CCDC149: variants seen among roughly 807,000 people sequenced by gnomAD.
CCDC149 encodes the protein coiled-coil domain containing 149, also known as coiled-coil domain-containing protein 149.
In CCDC149, 45 loss-of-function variants were observed where a neutral mutation model predicts 59.9. The observed-to-expected ratio is 0.75, with a 90% CI of 0.59 to 0.96. The LOEUF is 0.96. CCDC149 is among the 40% of genes least tolerant of loss of function. The pLI is 0.00. For missense variants in CCDC149, 584 were observed against 664.7 expected (o/e 0.88, Z 1.33); for synonymous variants, 245 against 260.6 (o/e 0.94, Z 0.58).
At chr4:24,822,682 T>A in intron 9 of CCDC149, 109 bp from the exon 10 acceptor site, 1 of 657,682 alleles carries the variant, frequency 1.5e-6, no homozygotes, top group Non-Finnish European at 2.5e-6. Flanking sequence ...TTATGATATA[T>A]GCAAAAAATG....
intron 1 of CCDC149, among the ~76,000 whole-genome samples, chr4:24,928,896 AC>A (rs1722506126): frequency 6.6e-6 from 1 of 152,120 alleles, no homozygotes; most frequent in Non-Finnish European, 1.5e-5. Flanking sequence ...GGGGCAGCAC[AC>A]TTCCCCTTTT....
At chr4:24,958,432 T>C (rs1723535875) in intron 1 of CCDC149, among the ~76,000 whole-genome samples, 1 of 152,154 alleles carries the variant, frequency 6.6e-6, no homozygotes, top group Non-Finnish European at 1.5e-5. Context: ...GATCCTACAT[T>C]ACATTTCTTC....
At chr4:24,876,292 TACACACACACAC>T (rs61406129) in intron 2 of CCDC149, among the ~76,000 whole-genome samples, 1,521 of 124,792 alleles carry the variant, frequency 0.012, 15 homozygotes, top group South Asian at 0.042. Context: ...CATACACACG[TACACACACACAC>T]ACACACACAC....
In CCDC149 at chr4:24,926,698, G is replaced by A. The variant is rs547424822; in HGVS notation, c.-64-31580C>T. Among the ~76,000 whole-genome samples, 4 of 152,334 alleles carry A rather than the reference G, an allele frequency of 2.6e-5. No homozygotes were observed. In the South Asian group the frequency reaches 8.3e-4, roughly 32 times the overall value. On this transcript the variant is annotated intron_variant, in intron 1 of 12. Coordinates refer to the CCDC149 transcript ENST00000389609. ...ACAGATTATGTCGGTCAGGAATTCA[G>A]AAATGGCGTAACAGGGAAAGCTTGT...
intron 1 of CCDC149, among the ~76,000 whole-genome samples, chr4:24,960,824 T>C (rs1178580250): frequency 6.6e-6 from 1 of 152,210 alleles, no homozygotes; most frequent in Non-Finnish European, 1.5e-5. Flanking sequence ...ATCAACACTC[T>C]TCACTCAGTA....
intron 1 of CCDC149, among the ~76,000 whole-genome samples, chr4:24,920,786 T>C (rs1229833010): frequency 1.3e-5 from 2 of 152,252 alleles, no homozygotes; most frequent in Non-Finnish European, 2.9e-5. Flanking sequence ...AGCCTGACAT[T>C]GTTTATCTTA....
chr4:24,846,448 A>G (rs1007011583), intron 4 of CCDC149, among the ~76,000 whole-genome samples: 1 of 152,246 alleles, frequency 6.6e-6, no homozygotes, highest in African/African-American at 2.4e-5. Context: ...AACAGCTTCC[A>G]AAGAGCTCTC....
intron 12 of CCDC149, among the ~76,000 whole-genome samples, chr4:24,816,552 C>T (rs1047901774): frequency 6.6e-6 from 1 of 152,108 alleles, no homozygotes; most frequent in Non-Finnish European, 1.5e-5. Context: ...ATCTTAACTC[C>T]TAAGCTGTGG....
intron 9 of CCDC149, 143 bp from the exon 10 acceptor site, chr4:24,822,716 T>C (rs1715490478): frequency 1.9e-6 from 1 of 522,418 alleles, no homozygotes; most frequent in African/African-American, 2.0e-5. Context: ...TATGTGTGTG[T>C]AAATAATATG....
intron 1 of CCDC149, among the ~76,000 whole-genome samples, chr4:24,887,515 C>T (rs1720256717): frequency 6.6e-6 from 1 of 152,090 alleles, no homozygotes; most frequent in African/African-American, 2.4e-5. Flanking sequence ...GTACCTCCTC[C>T]CCTGATCACC....
intron 4 of CCDC149, among the ~76,000 whole-genome samples, chr4:24,844,202 C>T (rs1717116106): frequency 6.6e-6 from 1 of 152,150 alleles, no homozygotes; most frequent in African/African-American, 2.4e-5. Flanking sequence ...ACTTCAGCTC[C>T]ATCATGGCAT....
intron 3 of CCDC149, among the ~76,000 whole-genome samples, chr4:24,859,638 G>C (rs906362551): frequency 3.3e-5 from 5 of 152,160 alleles, no homozygotes; most frequent in South Asian, 2.1e-4. Flanking sequence ...ATCCAAATCA[G>C]TAAGGAGGAA....
intron 1 of CCDC149, among the ~76,000 whole-genome samples, chr4:24,921,561 TG>T (rs1371646715): frequency 6.6e-6 from 1 of 152,170 alleles, no homozygotes; most frequent in African/African-American, 2.4e-5. Flanking sequence ...CAGGTGGTGC[TG>T]GTACCTCAGC....
chr4:24,930,775 A>T (rs1722564001), intron 1 of CCDC149, among the ~76,000 whole-genome samples: 1 of 152,196 alleles, frequency 6.6e-6, no homozygotes, highest in Admixed American at 6.5e-5. Flanking sequence ...CTAGACAGGG[A>T]GAGTTTATAG....
intron 12 of CCDC149, among the ~76,000 whole-genome samples, chr4:24,818,171 G>T (rs992672099): frequency 5.3e-5 from 8 of 152,284 alleles, no homozygotes; most frequent in Non-Finnish European, 8.8e-5. Flanking sequence ...TGAGTGAAAG[G>T]CCACATGTAG....
chr4:24,893,612 A>ATTTTT (rs1560241640), intron 1 of CCDC149, among the ~76,000 whole-genome samples: 5 of 9,382 alleles, frequency 5.3e-4, no homozygotes, highest in African/African-American at 9.0e-4. Context: ...TAAAATACAG[A>ATTTTT]CTTTTTTTTT....
In CCDC149 at chr4:24,836,447, C is replaced by T; in HGVS notation, c.724G>A (p.Ala242Thr). The T allele has an allele frequency of 6.2e-7, 1 of 1,609,300 alleles. No homozygotes were observed. The highest frequency in any genetic ancestry group is 1.1e-5 in the South Asian group (1 of 90,858). The stretch of plus-strand genomic sequence containing the variant: ...CATGATTTTGCTACCTTGTATTTGG[C>T]AATGTTTGATTTCAAGAGGTTGACC... The change falls in exon 7 of 13, where the codon GCC becomes ACC. Residue 242 changes from alanine (A) to threonine (T), a missense_variant. Coordinates refer to ENST00000635206, the MANE Select transcript of CCDC149 (RefSeq NM_001330643.2).
At chr4:24,887,754 G>C (rs1443966687) in intron 1 of CCDC149, among the ~76,000 whole-genome samples, 1 of 151,624 alleles carries the variant, frequency 6.6e-6, no homozygotes, top group East Asian at 1.9e-4. Flanking sequence ...TACTTGTCTA[G>C]TCCAGGTACC....
At chr4:24,958,115 T>G (rs1458709866) in intron 1 of CCDC149, among the ~76,000 whole-genome samples, 1 of 152,190 alleles carries the variant, frequency 6.6e-6, no homozygotes, top group Admixed American at 6.5e-5. Flanking sequence ...AGAAGCTCTT[T>G]ATGACTCAAT....
Sources: gnomAD v4.1 joint callset for allele counts (sites outside exome capture counted in the v4.1 genomes callset) on GRCh38, gnomAD v4.1.1 for gene constraint, MANE v1.5 for transcripts, NCBI Gene and HGNC (gene_info 2026-07-23, HGNC 2026-07-21) for gene names.